KIF26B: variants seen among roughly 807,000 people sequenced by gnomAD.
The protein encoded by KIF26B is kinesin-like protein KIF26B.
Under a neutral mutation model 151.2 loss-of-function variants are expected in KIF26B, and 63 were observed. That is an observed-to-expected ratio of 0.42 (90% CI 0.34 to 0.51). KIF26B has a LOEUF of 0.51. Among genes scored for constraint, KIF26B ranks in the 20% least tolerant of loss-of-function variants. The pLI, the probability that KIF26B is intolerant of heterozygous loss-of-function variation, is 0.07. For synonymous variants in KIF26B, 1,357 were observed against 1,262.1 expected (o/e 1.08, Z -1.59); for missense variants, 2,813 against 2,913.6 (o/e 0.97, Z 0.79).
intron 2 of KIF26B, among the ~76,000 whole-genome samples, chr1:245,200,420 A>G (rs1669276780): frequency 6.6e-6 from 1 of 152,176 alleles, no homozygotes; most frequent in Non-Finnish European, 1.5e-5. Flanking sequence ...AAAATCCTAA[A>G]TATTTTGGAA....
At chr1:245,608,810 G>A (rs183044016) in intron 7 of KIF26B, among the ~76,000 whole-genome samples, 21 of 152,002 alleles carry the variant, frequency 1.4e-4, no homozygotes, top group African/African-American at 5.1e-4. Context: ...GGAGTACAGT[G>A]GCATGCTCAT....
At chr1:245,177,111 T>C (rs1668821721) in intron 2 of KIF26B, among the ~76,000 whole-genome samples, 1 of 152,192 alleles carries the variant, frequency 6.6e-6, no homozygotes. Flanking sequence ...TGTGCCATCA[T>C]GCCTAGCTAT....
At chr1:245,169,549 G>A (rs1668674594) in intron 2 of KIF26B, among the ~76,000 whole-genome samples, 1 of 152,170 alleles carries the variant, frequency 6.6e-6, no homozygotes, top group Admixed American at 6.5e-5. Flanking sequence ...TCGGCAGGCT[G>A]AGAGCAGAGG....
In KIF26B at chr1:245,488,576, C is replaced by T. The variant is rs78870689; in HGVS notation, c.1167-52191C>T. On this transcript the variant is annotated intron_variant, in intron 4 of 14. Coordinates refer to ENST00000407071, the MANE Select transcript of KIF26B (RefSeq NM_018012.4). The surrounding 1 kb of genome is among the most constrained non-coding windows in gnomAD (Gnocchi z 4.6). ...TCGGGGACAGGCACCTCCTGGTCCA[C>T]ATCCATCCCTGGAATTAGATCGGAG... 1.3e-5 allele frequency among the ~76,000 whole-genome samples: 2 copies of T among 152,258 alleles called. No individual in the cohort carries two copies. The highest frequency in any genetic ancestry group is 1.9e-4 in the East Asian group (1 of 5,172).
rs1674169480 is a variant in KIF26B, at chr1:245,407,652, C to A, written c.1000-11927C>A. Among the ~76,000 whole-genome samples the A allele has an allele frequency of 2.6e-5, 4 of 152,132 alleles. No homozygotes were observed. The South Asian group carries it at 8.3e-4, about 32-fold the overall frequency. ...ATCAAGTGAAAACAAAGTTTTATCC[C>A]TTAAAAACAAACAAAACTCCAACAA... On this transcript the variant is annotated intron_variant, in intron 3 of 14. Transcript: ENST00000407071.
intron 10 of KIF26B, among the ~76,000 whole-genome samples, chr1:245,668,331 G>A (rs575345944): frequency 6.6e-5 from 10 of 152,258 alleles, no homozygotes; most frequent in African/African-American, 1.9e-4. Context: ...CTTATCAAAC[G>A]TACCAACTTA....
At chr1:245,463,134 C>T (rs1348559710) in intron 4 of KIF26B, among the ~76,000 whole-genome samples, 2 of 152,204 alleles carry the variant, frequency 1.3e-5, no homozygotes, top group African/African-American at 4.8e-5. Flanking sequence ...GTAGGAACAG[C>T]ACTCACCACC....
At chr1:245,389,648 G>A (rs751193868) in intron 3 of KIF26B, among the ~76,000 whole-genome samples, 5 of 152,128 alleles carry the variant, frequency 3.3e-5, no homozygotes, top group South Asian at 2.1e-4. Flanking sequence ...AATATTTGAC[G>A]CAGTAAATTA....
At chr1:245,463,117 C>T (rs1023165401) in intron 4 of KIF26B, among the ~76,000 whole-genome samples, 2 of 152,156 alleles carry the variant, frequency 1.3e-5, no homozygotes, top group Non-Finnish European at 2.9e-5. Flanking sequence ...CTTCTTCGAC[C>T]GGCCTGGTAG....
intron 10 of KIF26B, among the ~76,000 whole-genome samples, chr1:245,661,487 A>G (rs1171054519): frequency 6.6e-6 from 1 of 151,824 alleles, no homozygotes; most frequent in Non-Finnish European, 1.5e-5. Flanking sequence ...TCACATATAT[A>G]TGTACACCCA....
chr1:245,612,452 G>A (rs997038887), intron 9 of KIF26B, among the ~76,000 whole-genome samples: 7 of 152,132 alleles, frequency 4.6e-5, no homozygotes, highest in African/African-American at 1.7e-4. Context: ...TCAGTGACTC[G>A]TAATTCAAGA....
intron 2 of KIF26B, among the ~76,000 whole-genome samples, chr1:245,212,219 G>C (rs1573711229): frequency 6.6e-6 from 1 of 152,158 alleles, no homozygotes; most frequent in East Asian, 1.9e-4. Flanking sequence ...AATTCCACTT[G>C]GGAGAGAAGT....
At chr1:245,345,841 A>G (rs1672443233) in intron 2 of KIF26B, among the ~76,000 whole-genome samples, 1 of 150,800 alleles carries the variant, frequency 6.6e-6, no homozygotes, top group African/African-American at 2.5e-5. Context: ...AGATGCCACC[A>G]TGCTTCCTGG....
chr1:245,640,160 T>TATATATATATATATACACAC (rs796722836), intron 9 of KIF26B, among the ~76,000 whole-genome samples: 5 of 54,852 alleles, frequency 9.1e-5, no homozygotes, highest in East Asian at 1.0e-3. Context: ...TATATATATA[T>TATATATATATATATACACAC]ACCCTGCTAT....
chr1:245,312,582 A>G (rs1232446382), intron 2 of KIF26B, among the ~76,000 whole-genome samples: 1 of 146,598 alleles, frequency 6.8e-6, no homozygotes, highest in East Asian at 2.0e-4. Flanking sequence ...TCTCACACAC[A>G]TTTTCCCTTT....
Position 245,263,055 on chromosome 1 carries a change from G to A in KIF26B, c.466-103779G>A, listed in dbSNP as rs12027237. Among the ~76,000 whole-genome samples, 845 of 152,244 alleles carry A rather than the reference G, an allele frequency of 5.6e-3. 10 individuals carry two copies. The East Asian group carries it at 0.069, about 12-fold the overall frequency. On this transcript the variant is annotated intron_variant, in intron 2 of 14. Transcript: ENST00000407071. Reference sequence around the variant, plus strand: ...TCCTTGTAATTCAGTGATTCATGGCGGGGTGCAGTCAAGGAGTGTCATGAC... The same window carrying A: ...TCCTTGTAATTCAGTGATTCATGGCAGGGTGCAGTCAAGGAGTGTCATGAC...
chr1:245,535,318 A>T (rs1266802857), intron 4 of KIF26B, among the ~76,000 whole-genome samples: 1 of 152,200 alleles, frequency 6.6e-6, no homozygotes, highest in Non-Finnish European at 1.5e-5. Context: ...GGCTGTAAAA[A>T]TGTGATTTAT....
At chr1:245,622,545 G>C (rs1294959480) in intron 9 of KIF26B, among the ~76,000 whole-genome samples, 1 of 152,228 alleles carries the variant, frequency 6.6e-6, no homozygotes, top group Non-Finnish European at 1.5e-5. Flanking sequence ...CAATGGTCCA[G>C]ACACACGCGG....
rs534009670 is a variant in KIF26B at position 245,322,716 on chromosome 1, T to C, written c.466-44118T>C. On this transcript the variant is annotated intron_variant, in intron 2 of 14. Coordinates refer to ENST00000407071, the MANE Select transcript of KIF26B (RefSeq NM_018012.4). ...TTATAATTATTAAAGATGCCCCGAGTGACAAAGAGACGAAGGATCATGAAC... is the reference window on the plus strand; with the variant it reads ...TTATAATTATTAAAGATGCCCCGAGCGACAAAGAGACGAAGGATCATGAAC... 6.4e-4 allele frequency among the ~76,000 whole-genome samples: 98 copies of C among 152,270 alleles called. 1 individual carries two copies. Among genetic ancestry groups the C allele is most frequent in the Non-Finnish European group, 1.3e-3 (90 of 68,032 alleles).
Sources: gnomAD v4.1 joint callset for allele counts (sites outside exome capture counted in the v4.1 genomes callset) on GRCh38, gnomAD v4.1.1 for gene constraint, Gnocchi (gnomAD v3.1) non-coding constraint, MANE v1.5 for transcripts, NCBI Gene and HGNC (gene_info 2026-07-23, HGNC 2026-07-21) for gene names.